FBXL17: variants seen among roughly 807,000 people sequenced by gnomAD.
The protein encoded by FBXL17 is F-box and leucine rich repeat protein 17.
FBXL17 carries 22 observed loss-of-function variants against 66.2 expected under a neutral mutation model. The ratio of observed to expected loss-of-function variants is 0.33; its 90% CI spans 0.24 to 0.47. The LOEUF (loss-of-function observed/expected upper bound fraction) is 0.47. Among genes scored for constraint, FBXL17 ranks in the 20% least tolerant of loss-of-function variants. The probability of loss-of-function intolerance (pLI) is 1.00; values close to 1 mark genes in which losing one functional copy is unlikely to be tolerated. For synonymous variants in FBXL17, 474 were observed against 400.5 expected, an observed-to-expected ratio of 1.18 and a Z score of -2.19; for missense variants, 878 against 948.2, an observed-to-expected ratio of 0.93 and a Z score of 0.97.
In FBXL17 at chr5:108,087,351, G is replaced by GCT. The variant is rs1457535363; in HGVS notation, c.1746-66351_1746-66350insAG. Among the ~76,000 whole-genome samples, 11 of 152,288 alleles carry GCT rather than the reference G, an allele frequency of 7.2e-5. 2 individuals carry two copies. The highest frequency in any genetic ancestry group is 2.4e-4 in the African/African-American group (10 of 41,560). ...AAGTAAGGACTTGCAGCCAACTACA[G>GCT]GGTGGGGCAGCAGCCAGCCTATTCC... is the stretch of plus-strand genomic sequence containing the variant. On this transcript the variant is annotated intron_variant, in intron 6 of 8. Transcript: ENST00000542267.
intron 4 of FBXL17, among the ~76,000 whole-genome samples, chr5:108,244,394 C>A (rs972774410): frequency 2.6e-5 from 4 of 152,126 alleles, no homozygotes; most frequent in Non-Finnish European, 2.9e-5. Flanking sequence ...TCCAGCTCCA[C>A]TTCTTACTAG....
At chr5:107,867,974 G>A (rs1239532833) in intron 8 of FBXL17, among the ~76,000 whole-genome samples, 1 of 152,146 alleles carries the variant, frequency 6.6e-6, no homozygotes, top group Non-Finnish European at 1.5e-5. Flanking sequence ...AAAACAATTT[G>A]TTAATATTTT....
chr5:108,002,929 G>C (rs1022074085), intron 7 of FBXL17, among the ~76,000 whole-genome samples: 4 of 152,166 alleles, frequency 2.6e-5, no homozygotes, highest in Non-Finnish European at 5.9e-5. Context: ...ACTGTAAACA[G>C]AGAAGAGGAT....
chr5:108,025,527 C>G (rs748797441), intron 6 of FBXL17, among the ~76,000 whole-genome samples: 3 of 151,978 alleles, frequency 2.0e-5, no homozygotes, highest in East Asian at 3.9e-4. Context: ...TGGATCAAAC[C>G]TCAAAACTCC....
intron 6 of FBXL17, among the ~76,000 whole-genome samples, chr5:108,133,983 C>G (rs34410): frequency 0.53 from 79,956 of 151,878 alleles, 21,610 homozygotes; most frequent in South Asian, 0.77. Flanking sequence ...TGTTCTAATA[C>G]TACAAATTTA....
At chr5:108,375,406 G>C (rs892243958) in intron 1 of FBXL17, among the ~76,000 whole-genome samples, 1 of 138,470 alleles carries the variant, frequency 7.2e-6, no homozygotes, top group African/African-American at 2.7e-5. Context: ...AAATTGGCTA[G>C]ACTAAGAATA....
intron 4 of FBXL17, among the ~76,000 whole-genome samples, chr5:108,243,181 G>T (rs1290984716): frequency 6.6e-6 from 1 of 152,092 alleles, no homozygotes; most frequent in Non-Finnish European, 1.5e-5. Context: ...AAAGACATTG[G>T]TCTACAACTA....
intron 7 of FBXL17, among the ~76,000 whole-genome samples, chr5:107,934,937 G>C (rs1186725288): frequency 6.6e-6 from 1 of 152,080 alleles, no homozygotes; most frequent in African/African-American, 2.4e-5. Context: ...TCTTTTGACT[G>C]GAAATAAAAT....
chr5:107,874,971 C>A (rs894710332), intron 8 of FBXL17, among the ~76,000 whole-genome samples: 1 of 152,158 alleles, frequency 6.6e-6, no homozygotes, highest in Non-Finnish European at 1.5e-5. Context: ...TTTCTCATTG[C>A]CCCTTTCTTT....
Position 107,886,489 on chromosome 5 carries a change from C to G in FBXL17, c.1823-5310G>C, listed in dbSNP as rs554835740. Among the ~76,000 whole-genome samples the G allele has an allele frequency of 7.2e-5, 11 of 152,074 alleles. No individual in the cohort carries two copies. In the South Asian group the frequency reaches 2.1e-3, roughly 29 times the overall value. On this transcript the variant is annotated intron_variant, in intron 7 of 8. Transcript: ENST00000542267. ...AATCAGAGCTTCATAGAGAAATCAGCCATTTCGTAGAGAAATGGCTGATTC... is the reference window on the plus strand; with the variant it reads ...AATCAGAGCTTCATAGAGAAATCAGGCATTTCGTAGAGAAATGGCTGATTC...
intron 6 of FBXL17, among the ~76,000 whole-genome samples, chr5:108,047,641 T>C (rs1747308138): frequency 6.6e-6 from 1 of 152,158 alleles, no homozygotes; most frequent in Non-Finnish European, 1.5e-5. Context: ...TTGCAAGAGC[T>C]GTCCCCCATA....
chr5:108,361,156 C>T (rs1049532762), intron 3 of FBXL17, among the ~76,000 whole-genome samples: 2 of 151,872 alleles, frequency 1.3e-5, no homozygotes, highest in African/African-American at 2.4e-5. Context: ...TCTTTGCATG[C>T]CTTGTAATTT....
intron 5 of FBXL17, among the ~76,000 whole-genome samples, chr5:108,213,796 T>C (rs191581151): frequency 6.6e-6 from 1 of 152,326 alleles, no homozygotes; most frequent in East Asian, 1.9e-4. Flanking sequence ...ACGTGTGTGG[T>C]GGTATTTTAA....
intron 4 of FBXL17, among the ~76,000 whole-genome samples, chr5:108,293,423 T>C (rs185524581): frequency 1.3e-5 from 2 of 152,310 alleles, no homozygotes; most frequent in Admixed American, 1.3e-4. Flanking sequence ...TGTAATTTTA[T>C]TCCTAGAAAA....
intron 4 of FBXL17, among the ~76,000 whole-genome samples, chr5:108,252,304 C>G (rs1443790849): frequency 6.6e-6 from 1 of 151,992 alleles, no homozygotes; most frequent in Non-Finnish European, 1.5e-5. Flanking sequence ...AGGTGTAAAA[C>G]TGGCTTAAGT....
chr5:108,189,204 C>A (rs78791570), intron 5 of FBXL17, among the ~76,000 whole-genome samples: 3,303 of 151,538 alleles, frequency 0.022, 119 homozygotes, highest in African/African-American at 0.076. Flanking sequence ...TTTCGCAAGG[C>A]AATCAAGATC....
At chr5:108,020,175 G>T (rs1754535505) in intron 7 of FBXL17, among the ~76,000 whole-genome samples, 1 of 151,730 alleles carries the variant, frequency 6.6e-6, no homozygotes, top group South Asian at 2.1e-4. Flanking sequence ...AAATCAAAAA[G>T]TCAGAGAAAA....
At chr5:108,073,432 T>C (rs1335272021) in intron 6 of FBXL17, among the ~76,000 whole-genome samples, 4 of 151,992 alleles carry the variant, frequency 2.6e-5, no homozygotes, top group Admixed American at 2.0e-4. Flanking sequence ...ATTTAATTAC[T>C]GACAATTATA....
chr5:108,250,793 G>A (rs892164429), intron 4 of FBXL17, among the ~76,000 whole-genome samples: 1 of 151,960 alleles, frequency 6.6e-6, no homozygotes, highest in Non-Finnish European at 1.5e-5. Context: ...CTCATGTATG[G>A]TATATGTACT....
Sources: gnomAD v4.1 joint callset for allele counts (sites outside exome capture counted in the v4.1 genomes callset) on GRCh38, gnomAD v4.1.1 for gene constraint, MANE v1.5 for transcripts, NCBI Gene and HGNC (gene_info 2026-07-23, HGNC 2026-07-21) for gene names.